The following LGR5 variants were observed in gnomAD, a reference collection of about 807,000 sequenced individuals.
LGR5 encodes leucine-rich repeat-containing G protein-coupled receptor 5.
Under a neutral mutation model 76.7 loss-of-function variants are expected in LGR5, and 54 were observed. The ratio of observed to expected loss-of-function variants is 0.70; its 90% confidence interval spans 0.57 to 0.88. The LOEUF (loss-of-function observed/expected upper bound fraction) is 0.88, where lower values mean the gene tolerates loss of function less well. LGR5 is among the 40% of genes least tolerant of loss of function. The pLI, the probability that LGR5 is intolerant of heterozygous loss-of-function variation, is 0.00. For synonymous variants in LGR5, 406 were observed against 421.9 expected (o/e 0.96, Z 0.46); for missense variants, 1,078 against 1,073.3 (o/e 1.00, Z -0.06).
chr12:71,581,374 G>C (rs1879085116), intron 16 of LGR5, among the ~76,000 whole-genome samples: 1 of 152,198 alleles, frequency 6.6e-6, no homozygotes, highest in Admixed American at 6.5e-5. Context: ...TGGTAATGAG[G>C]AGGTGCTTTG....
intron 16 of LGR5, among the ~76,000 whole-genome samples, chr12:71,580,775 C>T (rs1047295693): frequency 8.5e-5 from 13 of 152,060 alleles, no homozygotes; most frequent in African/African-American, 3.1e-4. Flanking sequence ...CCACTGCACT[C>T]CAGCCTGGGC....
chr12:71,464,350 C>T (rs1872781855), intron 1 of LGR5, among the ~76,000 whole-genome samples: 1 of 152,134 alleles, frequency 6.6e-6, no homozygotes, highest in Non-Finnish European at 1.5e-5. Flanking sequence ...CTTTGTATGT[C>T]CACATATTTA....
intron 1 of LGR5, among the ~76,000 whole-genome samples, chr12:71,484,653 G>A (rs2137266971): frequency 6.6e-6 from 1 of 152,126 alleles, no homozygotes; most frequent in South Asian, 2.1e-4. Context: ...TGTTTTCTGT[G>A]TATGTTTTGC....
Position 71,504,673 on chromosome 12 carries a change from T to A in LGR5, c.272T>A (p.Phe91Tyr). 1.2e-6 allele frequency: 2 copies of A among 1,613,252 alleles called. No individual in the cohort carries two copies. Among genetic ancestry groups the A allele is most frequent in the Non-Finnish European group, 1.7e-6 (2 of 1,179,250 alleles). ...LLPNPLPSLR[F>Y]LEELRLAGNA... is the part of the protein sequence containing the mutation. The stretch of plus-strand genomic sequence containing the variant: ...CCGAATCCCCTGCCCAGTCTCCGCT[T>A]CCTGGAGGAGTTGTAAGTATCACTG... The change falls in exon 2 of 18, where the codon TTC becomes TAC. Residue 91 changes from phenylalanine (F) to tyrosine (Y), a missense_variant. Phe to Tyr is a conservative substitution (Grantham distance 22). Transcript: ENST00000266674.
At chr12:71,551,160 G>A (rs1321377746) in intron 4 of LGR5, among the ~76,000 whole-genome samples, 2 of 152,174 alleles carry the variant, frequency 1.3e-5, no homozygotes, top group East Asian at 1.9e-4. Flanking sequence ...TCCAAGTGAC[G>A]TTATCTCAGC....
At chr12:71,447,518 A>C (rs932080937) in intron 1 of LGR5, among the ~76,000 whole-genome samples, 2 of 152,194 alleles carry the variant, frequency 1.3e-5, no homozygotes, top group Non-Finnish European at 2.9e-5. Flanking sequence ...TGACTTAACA[A>C]TTTATTCAAC....
chr12:71,583,941 C>A lies in LGR5; in HGVS notation c.1931C>A (p.Ser644Tyr). 1 of 1,614,086 alleles carries A rather than the reference C, an allele frequency of 6.2e-7. No homozygotes were observed. Among genetic ancestry groups the A allele is most frequent in the South Asian group, 1.1e-5 (1 of 91,078 alleles). ...GGTTGCCATGTCATTGGTTTTTTGT[C>A]CATTTTTGCTTCAGAATCATCTGTT... Reference protein sequence around the residue: ...GVGCHVIGFLSIFASESSVFL... With the variant: ...GVGCHVIGFLYIFASESSVFL... Residue 644 changes from serine (S) to tyrosine (Y), a missense_variant, in exon 18 of 18, where the codon TCC becomes TAC. Physicochemically the swap from Ser to Tyr is moderately radical, Grantham distance 144. Coordinates refer to ENST00000266674, the MANE Select transcript of LGR5 (RefSeq NM_003667.4).
At chr12:71,442,447 G>A (rs1592446061) in intron 1 of LGR5, among the ~76,000 whole-genome samples, 1 of 152,192 alleles carries the variant, frequency 6.6e-6, no homozygotes, top group East Asian at 1.9e-4. Flanking sequence ...CCTGTACCCT[G>A]GCCTAAGAAG....
At chr12:71,470,723 G>A (rs915298086) in intron 1 of LGR5, among the ~76,000 whole-genome samples, 1 of 152,120 alleles carries the variant, frequency 6.6e-6, no homozygotes, top group Admixed American at 6.5e-5. Context: ...CTCTAGGCAG[G>A]CTCAACTTTC....
Position 71,577,986 on chromosome 12 carries a change from C to T in LGR5, c.1270C>T (p.Leu424=). 6.2e-7 allele frequency: 1 copy of T among 1,610,788 alleles called. No homozygotes were observed. The highest frequency in any genetic ancestry group is 8.5e-7 in the Non-Finnish European group (1 of 1,177,042). ...CAATGCATTTTCCACTTTGCCATCC[C>T]TAATAAAGCTGTGAGTATTCCACAA... ...HPNAFSTLPS[L]IKLDLSSNLL... Residue 424 remains leucine (L), a synonymous_variant, in exon 14 of 18, where the codon CTA becomes TTA. Coordinates refer to ENST00000266674, the MANE Select transcript of LGR5 (RefSeq NM_003667.4).
chr12:71,524,180 T>C (rs915111840), intron 2 of LGR5, among the ~76,000 whole-genome samples: 2 of 152,252 alleles, frequency 1.3e-5, no homozygotes, highest in Admixed American at 1.3e-4. Flanking sequence ...ATTAAATTGT[T>C]TATTGTAAAG....
intron 3 of LGR5, among the ~76,000 whole-genome samples, chr12:71,527,671 T>G (rs1296032934): frequency 6.6e-6 from 1 of 152,202 alleles, no homozygotes; most frequent in Admixed American, 6.5e-5. Flanking sequence ...AATTAAAACA[T>G]CTCCCAAAGG....
chr12:71,518,479 C>A (rs911598863), intron 2 of LGR5, among the ~76,000 whole-genome samples: 1 of 152,168 alleles, frequency 6.6e-6, no homozygotes, highest in African/African-American at 2.4e-5. Flanking sequence ...TACCATTCGA[C>A]CCAGCAATAC....
chr12:71,516,000 A>T (rs1421062092), intron 2 of LGR5, among the ~76,000 whole-genome samples: 1 of 152,216 alleles, frequency 6.6e-6, no homozygotes, highest in East Asian at 1.9e-4. Flanking sequence ...AAATGTGGAC[A>T]ATAATAATCC....
At chr12:71,456,240 G>T (rs1313600039) in intron 1 of LGR5, among the ~76,000 whole-genome samples, 2 of 152,120 alleles carry the variant, frequency 1.3e-5, no homozygotes, top group African/African-American at 2.4e-5. Context: ...AATATTTCCA[G>T]CCCATCTGAC....
intron 1 of LGR5, among the ~76,000 whole-genome samples, chr12:71,499,969 C>A (rs1225484404): frequency 6.6e-6 from 1 of 152,016 alleles, no homozygotes; most frequent in Non-Finnish European, 1.5e-5. Flanking sequence ...AGGGCTTAAC[C>A]AAAGGCAGCC....
At chr12:71,499,049 G>T (rs919237632) in intron 1 of LGR5, among the ~76,000 whole-genome samples, 3 of 152,090 alleles carry the variant, frequency 2.0e-5, no homozygotes, top group Non-Finnish European at 2.9e-5. Flanking sequence ...CATTTATGAG[G>T]TTTTTTTTAT....
At chr12:71,522,379 G>C (rs1410423091) in intron 2 of LGR5, among the ~76,000 whole-genome samples, 4 of 152,030 alleles carry the variant, frequency 2.6e-5, no homozygotes, top group Non-Finnish European at 5.9e-5. Flanking sequence ...AGTTTTATAG[G>C]AAACAAAGAA....
At position 71,566,408 on chromosome 12, in the gene LGR5, T is replaced by A. The variant is rs1438976945; in HGVS notation, c.862T>A (p.Phe288Ile). ...VGNPSLITIH[F>I]YDNPIQFVGR... Reference sequence around the variant, plus strand: ...TGCTGTTTGGGTTTCTTTTAGACATTTCTATGACAATCCCATCCAGTTTGT... The same window carrying A: ...TGCTGTTTGGGTTTCTTTTAGACATATCTATGACAATCCCATCCAGTTTGT... Residue 288 changes from phenylalanine to isoleucine, a missense_variant, in exon 9 of 18, where the codon TTC becomes ATC. Transcript: ENST00000266674. 4.4e-6 allele frequency: 7 copies of A among 1,593,604 alleles called. No individual in the cohort carries two copies. The highest frequency in any genetic ancestry group is 6.0e-6 in the Non-Finnish European group (7 of 1,162,114).
Sources: allele counts gnomAD v4.1 joint callset (sites outside exome capture counted in the v4.1 genomes callset), GRCh38; gene constraint gnomAD v4.1.1; transcripts MANE v1.5; gene names NCBI Gene and HGNC (gene_info 2026-07-23, HGNC 2026-07-21).